Variants in ARHGAP26 observed in about 807,000 individuals in gnomAD.
ARHGAP26 encodes rho GTPase-activating protein 26.
Under a neutral mutation model 104.8 loss-of-function variants are expected in ARHGAP26, and 38 were observed. That is an observed-to-expected ratio of 0.36 (90% CI 0.28 to 0.48). The LOEUF (loss-of-function observed/expected upper bound fraction) is 0.48, where lower values mean the gene tolerates loss of function less well. Ranked by LOEUF, ARHGAP26 falls within the 20% of genes least tolerant of loss-of-function variation. The pLI is 0.99. For missense variants in ARHGAP26, 704 were observed against 947.9 expected, an observed-to-expected ratio of 0.74 and a Z score of 3.38; for synonymous variants, 341 against 340.0, an observed-to-expected ratio of 1.00 and a Z score of -0.03.
chr5:143,133,127 A>G (rs1797547183), intron 18 of ARHGAP26, among the ~76,000 whole-genome samples: 2 of 152,302 alleles, frequency 1.3e-5, no homozygotes, highest in African/African-American at 4.8e-5. Flanking sequence ...CCATACTTTT[A>G]TCTGTAGAAA....
chr5:142,998,926 A>G (rs1335022590), intron 11 of ARHGAP26, among the ~76,000 whole-genome samples: 3 of 152,128 alleles, frequency 2.0e-5, no homozygotes, highest in Admixed American at 6.6e-5. Context: ...TTCCTAGTCA[A>G]CTGTCAGCAG....
intron 11 of ARHGAP26, among the ~76,000 whole-genome samples, chr5:142,974,207 T>G (rs765275326): frequency 1.2e-4 from 17 of 138,076 alleles, no homozygotes; most frequent in Non-Finnish European, 2.3e-4. Context: ...GTATTTCAGT[T>G]TTTTTTTTTT....
At chr5:143,176,298 C>T (rs1803467097) in intron 20 of ARHGAP26, among the ~76,000 whole-genome samples, 6 of 152,160 alleles carry the variant, frequency 3.9e-5, no homozygotes, top group Admixed American at 3.9e-4. Flanking sequence ...AAGAGACTTG[C>T]CAGCCACTTC....
In ARHGAP26 at chr5:143,227,325, T is replaced by C. The variant is rs17100182; in HGVS notation, c.*4879T>C. ...TAGGTGTTCTGCCAAAGGAGTTATCTATCATCTCTGGCAAACTTGACAATC... is the reference window on the plus strand; with the variant it reads ...TAGGTGTTCTGCCAAAGGAGTTATCCATCATCTCTGGCAAACTTGACAATC... On this transcript the variant is annotated 3_prime_UTR_variant, in exon 23 of 23. Coordinates refer to ENST00000645722, the MANE Select transcript of ARHGAP26 (RefSeq NM_001135608.3). The C allele has an allele frequency of 5.7e-3, 1,312 of 230,944 alleles. 54 individuals carry two copies. The East Asian group carries it at 0.078, about 14-fold the overall frequency. 14.3% of individuals were successfully genotyped at this position (230,944 alleles called of 1,614,324 possible). A position where few individuals can be genotyped will look rare whatever the true frequency, so the allele number is the denominator to read the frequency against.
intron 6 of ARHGAP26, among the ~76,000 whole-genome samples, chr5:142,897,741 C>G (rs571558988): frequency 3.3e-5 from 5 of 152,320 alleles, no homozygotes; most frequent in South Asian, 2.1e-4. Context: ...TATAACATCT[C>G]TGAGGGTAAG....
chr5:142,938,431 A>G (rs920351176), intron 11 of ARHGAP26, among the ~76,000 whole-genome samples: 3 of 152,208 alleles, frequency 2.0e-5, no homozygotes, highest in Admixed American at 6.5e-5. Context: ...GACTTTTCAT[A>G]TTAAATTGGA....
At chr5:142,998,129 C>T (rs1318982060) in intron 11 of ARHGAP26, among the ~76,000 whole-genome samples, 1 of 152,096 alleles carries the variant, frequency 6.6e-6, no homozygotes, top group African/African-American at 2.4e-5. Context: ...AATGTAACTC[C>T]TGCAAATAAC....
intron 14 of ARHGAP26, among the ~76,000 whole-genome samples, chr5:143,042,268 G>C (rs1163586923): frequency 6.6e-6 from 1 of 152,192 alleles, no homozygotes; most frequent in African/African-American, 2.4e-5. Context: ...CAATGCCCAA[G>C]GAAAGGCATC....
chr5:142,888,152 A>G (rs192021558), intron 5 of ARHGAP26, among the ~76,000 whole-genome samples: 2 of 152,348 alleles, frequency 1.3e-5, no homozygotes, highest in Admixed American at 6.5e-5. Context: ...CCTAAGAGGT[A>G]TAGATGTGGT....
At position 143,067,226 on chromosome 5, in the gene ARHGAP26, G is replaced by A. The variant is rs1787628438; in HGVS notation, c.1538+9479G>A. Among the ~76,000 whole-genome samples the A allele has an allele frequency of 2.0e-5, 3 of 152,216 alleles. No individual in the cohort carries two copies. The South Asian group carries it at 6.2e-4, about 32-fold the overall frequency. On this transcript the variant is annotated intron_variant, in intron 17 of 22. Coordinates refer to ENST00000645722, the MANE Select transcript of ARHGAP26 (RefSeq NM_001135608.3). Reference sequence around the variant, plus strand: ...TGTGATCTTTGAGATGTTTCCCTTTGTGGGGGAGTCTGACTTTCCTTCTGT... The same window carrying A: ...TGTGATCTTTGAGATGTTTCCCTTTATGGGGGAGTCTGACTTTCCTTCTGT...
In ARHGAP26 at chr5:142,946,072, T is replaced by C. The variant is rs866504515; in HGVS notation, c.1107+13947T>C. Among the ~76,000 whole-genome samples the C allele has an allele frequency of 1.6e-4, 24 of 152,346 alleles. 2 individuals carry two copies. The Middle Eastern group carries it at 0.014, about 86-fold the overall frequency. On this transcript the variant is annotated intron_variant, in intron 11 of 22. Coordinates refer to ENST00000645722, the MANE Select transcript of ARHGAP26 (RefSeq NM_001135608.3). ...CAGTGTATCTGGGAACTGTTGTCAC[T>C]ATCCTCCCTTCATCTAGGTAATAAT... is the stretch of plus-strand genomic sequence containing the variant.
chr5:143,016,780 T>C (rs1245775608), intron 12 of ARHGAP26, among the ~76,000 whole-genome samples: 4 of 152,070 alleles, frequency 2.6e-5, no homozygotes, highest in Non-Finnish European at 5.9e-5. Flanking sequence ...TATTGATTGA[T>C]TTCTAAGCTG....
intron 1 of ARHGAP26, among the ~76,000 whole-genome samples, chr5:142,773,883 C>T (rs1400269159): frequency 1.3e-5 from 2 of 152,182 alleles, no homozygotes; most frequent in Non-Finnish European, 2.9e-5. Context: ...TCCTCTTTGC[C>T]TTTCAAAGCA....
chr5:143,023,897 C>T (rs1215253581), intron 12 of ARHGAP26, among the ~76,000 whole-genome samples: 1 of 152,192 alleles, frequency 6.6e-6, no homozygotes, highest in African/African-American at 2.4e-5. Context: ...CTTTTTCTTT[C>T]CCCTTTCTCC....
intron 17 of ARHGAP26, among the ~76,000 whole-genome samples, chr5:143,106,424 A>G (rs561744158): frequency 8.1e-5 from 12 of 147,610 alleles, no homozygotes; most frequent in Non-Finnish European, 1.6e-4. Context: ...CAGAATTCCC[A>G]TGGAAAAGGA....
In ARHGAP26 at chr5:143,012,540, T is replaced by TATATATACATACATAC. The variant is rs1158338407; in HGVS notation, c.1108-1537_1108-1536insTATACATACATACATA. Among the ~76,000 whole-genome samples, 70 of 41,018 alleles carry TATATATACATACATAC rather than the reference T, an allele frequency of 1.7e-3. 4 individuals are homozygous for TATATATACATACATAC. The highest frequency in any genetic ancestry group is 5.1e-3 in the African/African-American group (65 of 12,698). The allele number at this position is 41,018 out of a possible 152,430, so 26.9% of individuals were successfully genotyped here. A position where few individuals can be genotyped will look rare whatever the true frequency, so the allele number is the denominator to read the frequency against. On this transcript the variant is annotated intron_variant, in intron 11 of 22. Coordinates refer to ENST00000645722, the MANE Select transcript of ARHGAP26 (RefSeq NM_001135608.3). Reference sequence around the variant, plus strand: ...TAGAGTCACTGGAGGGATATATTTATATACATACATACATATATATATATA... The same window carrying TATATATACATACATAC: ...TAGAGTCACTGGAGGGATATATTTATATATATACATACATACATACATACATACATATATATATATA...
chr5:142,831,352 T>C, intron 1 of ARHGAP26, among the ~76,000 whole-genome samples: 1 of 151,952 alleles, frequency 6.6e-6, no homozygotes, highest in African/African-American at 2.4e-5. Context: ...TGGCCTTTCC[T>C]CATCTCCTTT....
chr5:143,009,376 G>A (rs1311295417), intron 11 of ARHGAP26, among the ~76,000 whole-genome samples: 4 of 152,138 alleles, frequency 2.6e-5, no homozygotes, highest in African/African-American at 9.7e-5. Context: ...AAGTGCTTGG[G>A]CTCTGGAGAC....
At position 142,770,904 on chromosome 5, in the gene ARHGAP26, G is replaced by A. The variant is rs760635009; in HGVS notation, c.143G>A (p.Ser48Asn). 9.3e-6 allele frequency: 15 copies of A among 1,608,490 alleles called. No individual in the cohort carries two copies. The South Asian group carries it at 9.9e-5, about 11-fold the overall frequency. ...ELIKDGKSLISALKNLSSAKR... is the reference protein window; with the variant it reads ...ELIKDGKSLINALKNLSSAKR... ...ATCAAGGACGGGAAGTCACTCATAA[G>A]CGCGCTCAAGAGTGAGTGTCCCGAG... Residue 48 changes from serine (S) to asparagine (N), a missense_variant, in exon 1 of 23, where the codon AGC (serine) becomes AAC (asparagine). Around this residue, in one of 6 missense-constraint regions of ARHGAP26, gnomAD observed 77 missense variants for 82.6 expected, o/e 0.93. Coordinates refer to ENST00000645722, the MANE Select transcript of ARHGAP26 (RefSeq NM_001135608.3).
Sources: gnomAD v4.1 joint callset for allele counts (sites outside exome capture counted in the v4.1 genomes callset) on GRCh38, gnomAD v4.1.1 for gene constraint, gnomAD v4.1.1 regional missense constraint, MANE v1.5 for transcripts, NCBI Gene and HGNC (gene_info 2026-07-23, HGNC 2026-07-21) for gene names.